The following CCSER1 variants were observed in gnomAD, a reference collection of about 807,000 sequenced individuals.
The protein encoded by CCSER1 is coiled-coil serine rich protein 1.
Under a neutral mutation model 82.0 loss-of-function variants are expected in CCSER1, and 41 were observed. That is an observed-to-expected ratio of 0.50 (90% CI 0.39 to 0.65). The LOEUF (loss-of-function observed/expected upper bound fraction) is 0.65. Among genes scored for constraint, CCSER1 ranks in the 30% least tolerant of loss-of-function variants. The pLI, the probability that CCSER1 is intolerant of heterozygous loss-of-function variation, is 0.00. For missense variants in CCSER1, 1,119 were observed against 1,064.2 expected (o/e 1.05, Z -0.72); for synonymous variants, 414 against 383.9 (o/e 1.08, Z -0.92).
At chr4:90,467,333 G>T (rs1469918238) in intron 4 of CCSER1, among the ~76,000 whole-genome samples, 1 of 151,572 alleles carries the variant, frequency 6.6e-6, no homozygotes. Flanking sequence ...GTGTTGAGCT[G>T]AGATCATGCC....
chr4:90,465,295 G>T (rs192673855), intron 4 of CCSER1, among the ~76,000 whole-genome samples: 2 of 149,852 alleles, frequency 1.3e-5, no homozygotes, highest in African/African-American at 2.5e-5. Context: ...GTGAACCACC[G>T]CGCCCAGGCA....
chr4:90,885,962 T>C (rs1004980193), intron 8 of CCSER1, among the ~76,000 whole-genome samples: 2 of 152,154 alleles, frequency 1.3e-5, no homozygotes, highest in African/African-American at 2.4e-5. Context: ...TGTCAGTTCA[T>C]TGTCTGAGGT....
chr4:91,445,775 A>C (rs187531543), intron 10 of CCSER1, among the ~76,000 whole-genome samples: 17 of 152,074 alleles, frequency 1.1e-4, no homozygotes, highest in African/African-American at 4.1e-4. Context: ...ATTAACAAAA[A>C]AATTGGCCCA....
In CCSER1 at chr4:91,123,036, G is replaced by A. The variant is rs748711567; in HGVS notation, c.2217+37042G>A. Among the ~76,000 whole-genome samples the A allele has an allele frequency of 3.3e-5, 5 of 151,780 alleles. No homozygotes were observed. In the East Asian group the frequency reaches 9.7e-4, roughly 29 times the overall value. On this transcript the variant is annotated intron_variant, in intron 10 of 10. Coordinates refer to ENST00000509176, the MANE Select transcript of CCSER1 (RefSeq NM_001145065.2). ...CTATTTCATTGAATAAATATTAGGG[G>A]AACAGTGGGATAAAAATAGAGTTGG...
intron 6 of CCSER1, among the ~76,000 whole-genome samples, chr4:90,648,660 A>C (rs1388130064): frequency 6.6e-6 from 1 of 152,200 alleles, no homozygotes; most frequent in Non-Finnish European, 1.5e-5. Flanking sequence ...GAGAGAATGC[A>C]CCATCTGCAA....
At chr4:91,379,587 T>G (rs570265728) in intron 10 of CCSER1, among the ~76,000 whole-genome samples, 1 of 152,316 alleles carries the variant, frequency 6.6e-6, no homozygotes, top group East Asian at 1.9e-4. Flanking sequence ...TTCTGTGGGA[T>G]TGGTGGTGAT....
chr4:90,173,722 G>C (rs1279113989), intron 1 of CCSER1, among the ~76,000 whole-genome samples: 1 of 151,926 alleles, frequency 6.6e-6, no homozygotes, highest in Non-Finnish European at 1.5e-5. Context: ...AAGTTTAAGG[G>C]TTAAAAGTGA....
intron 10 of CCSER1, among the ~76,000 whole-genome samples, chr4:91,111,350 C>T (rs999452164): frequency 1.3e-5 from 2 of 151,822 alleles, no homozygotes; most frequent in Non-Finnish European, 2.9e-5. Flanking sequence ...TTATGTAATG[C>T]ATGTGGATTT....
chr4:90,206,862 T>C (rs1398247011), intron 1 of CCSER1, among the ~76,000 whole-genome samples: 1 of 151,910 alleles, frequency 6.6e-6, no homozygotes, highest in Non-Finnish European at 1.5e-5. Context: ...ATCTGGGTGC[T>C]CCTGTTTTGG....
intron 7 of CCSER1, among the ~76,000 whole-genome samples, chr4:90,745,652 T>G (rs1468507601): frequency 6.6e-6 from 1 of 151,350 alleles, no homozygotes; most frequent in African/African-American, 2.4e-5. Flanking sequence ...TCCATTGTGC[T>G]GAATTACACA....
chr4:91,484,872 A>C (rs987873133), intron 10 of CCSER1, among the ~76,000 whole-genome samples: 1 of 152,170 alleles, frequency 6.6e-6, no homozygotes, highest in Admixed American at 6.5e-5. Flanking sequence ...CTCTTACCTA[A>C]TCAAAAGTCT....
intron 10 of CCSER1, among the ~76,000 whole-genome samples, chr4:91,315,356 A>G (rs552363222): frequency 6.6e-6 from 1 of 152,056 alleles, no homozygotes; most frequent in South Asian, 2.1e-4. Context: ...CCTCCTTGTA[A>G]TATGTTATGA....
chr4:90,283,386 T>A (rs564620561), intron 1 of CCSER1, among the ~76,000 whole-genome samples: 290 of 152,072 alleles, frequency 1.9e-3, no homozygotes, highest in African/African-American at 6.7e-3. Flanking sequence ...CAGTTGCACA[T>A]ATTTATGGGG....
chr4:91,281,062 T>C (rs571097439), intron 10 of CCSER1, among the ~76,000 whole-genome samples: 112 of 152,298 alleles, frequency 7.4e-4, no homozygotes, highest in African/African-American at 2.7e-3. Context: ...CTTCTGTGGC[T>C]AGAATTGCAG....
chr4:90,578,368 A>T (rs113275828), intron 5 of CCSER1, among the ~76,000 whole-genome samples: 14 of 152,156 alleles, frequency 9.2e-5, no homozygotes, highest in Non-Finnish European at 4.4e-5. Context: ...GAGCTTGTAG[A>T]GGCCACCTAT....
intron 10 of CCSER1, among the ~76,000 whole-genome samples, chr4:91,369,418 AT>A (rs1340711952): frequency 2.6e-5 from 4 of 152,068 alleles, no homozygotes; most frequent in Admixed American, 6.5e-5. Flanking sequence ...TATAATTCTC[AT>A]TTTTGCAATT....
intron 1 of CCSER1, among the ~76,000 whole-genome samples, chr4:90,143,322 A>G (rs1274716355): frequency 1.3e-5 from 2 of 152,118 alleles, no homozygotes; most frequent in South Asian, 2.1e-4. Flanking sequence ...TCTCACTACC[A>G]TGTACCATAT....
chr4:91,302,055 A>T (rs1560576582), intron 10 of CCSER1, among the ~76,000 whole-genome samples: 1 of 151,680 alleles, frequency 6.6e-6, no homozygotes, highest in African/African-American at 2.4e-5. Flanking sequence ...CTTAATAATA[A>T]CTCAGTTCCA....
intron 10 of CCSER1, among the ~76,000 whole-genome samples, chr4:91,271,691 C>T (rs531218364): frequency 1.3e-5 from 2 of 151,700 alleles, no homozygotes; most frequent in Non-Finnish European, 2.9e-5. Context: ...TATACACACA[C>T]ATATATATGA....
Sources: gnomAD v4.1 joint callset for allele counts (sites outside exome capture counted in the v4.1 genomes callset) on GRCh38, gnomAD v4.1.1 for gene constraint, MANE v1.5 for transcripts, NCBI Gene and HGNC (gene_info 2026-07-23, HGNC 2026-07-21) for gene names.